The following APOBEC1 variants were observed in gnomAD, a reference collection of about 807,000 sequenced individuals.
APOBEC1 encodes the protein C->U-editing enzyme APOBEC-1.
Under a neutral mutation model 26.3 loss-of-function variants are expected in APOBEC1, and 22 were observed. That is an observed-to-expected ratio of 0.84 (90% CI 0.60 to 1.19). The LOEUF is 1.19. Among genes scored for constraint, APOBEC1 ranks in the 50% most tolerant of loss-of-function variants. The pLI is 0.00. For missense variants in APOBEC1, 253 were observed against 289.0 expected (o/e 0.88, Z 0.90); for synonymous variants, 77 against 95.3 (o/e 0.81, Z 1.12).
upstream of APOBEC1, among the ~76,000 whole-genome samples, chr12:7,669,429 G>A (rs974688243): frequency 6.6e-6 from 1 of 151,978 alleles, no homozygotes; most frequent in African/African-American, 2.4e-5. Flanking sequence ...CCAATTTTAG[G>A]CTTTCATGAA....
intron 1 of APOBEC1, among the ~76,000 whole-genome samples, chr12:7,656,014 T>A (rs1413051003): frequency 6.6e-6 from 1 of 152,140 alleles, no homozygotes; most frequent in African/African-American, 2.4e-5. Context: ...TTGTTATTTT[T>A]TTTGTGGAGG....
rs185366124 is a variant in APOBEC1 at position 7,661,152 on chromosome 12, G to A, written c.16+4705C>T. Among the ~76,000 whole-genome samples, 11 of 149,258 alleles carry A rather than the reference G, an allele frequency of 7.4e-5. No homozygotes were observed. The East Asian group carries it at 2.0e-3, about 27-fold the overall frequency. On this transcript the variant is annotated intron_variant, in intron 1 of 4. Transcript: ENST00000229304. Reference sequence around the variant, plus strand: ...ACCCGGGAGGCGGAGCTTGCAGTGAGCCAAATTTGCGCCACTGCACTCCAG... The same window carrying A: ...ACCCGGGAGGCGGAGCTTGCAGTGAACCAAATTTGCGCCACTGCACTCCAG...
intron 1 of APOBEC1, among the ~76,000 whole-genome samples, chr12:7,660,517 A>C (rs1487113853): frequency 1.3e-5 from 2 of 151,076 alleles, no homozygotes; most frequent in Non-Finnish European, 3.0e-5. Flanking sequence ...AGACCAGCCT[A>C]ACATGGTGAA....
At chr12:7,654,545 C>G (rs1863687720) in intron 2 of APOBEC1, 60 bp downstream of exon 2, 1 of 1,560,118 alleles carries the variant, frequency 6.4e-7, no homozygotes. Flanking sequence ...ATGCACAGCT[C>G]TTAAATACCC....
In APOBEC1 at chr12:7,652,805, G is replaced by A; in HGVS notation, c.75C>T (p.Val25=). Residue 25 remains valine (V), a synonymous_variant, in exon 3 of 5, where the codon GTC becomes GTT. Transcript: ENST00000229304. ...RRRIEPWEFD[V]FYDPRELRKE... is the part of the protein sequence containing the mutation. ...TACGAAGTTCTCTGGGGTCATAGAA[G>A]ACGTCAAACTCCCAGGGTTCGATTC... The A allele has an allele frequency of 6.2e-7, 1 of 1,602,586 alleles. No homozygotes were observed. Among genetic ancestry groups the A allele is most frequent in the Non-Finnish European group, 8.5e-7 (1 of 1,174,162 alleles).
At chr12:7,663,907 A>G (rs1309185677) in intron 1 of APOBEC1, among the ~76,000 whole-genome samples, 1 of 151,508 alleles carries the variant, frequency 6.6e-6, no homozygotes, top group African/African-American at 2.4e-5. Context: ...CCCAGGCTGG[A>G]GTGCAATGGC....
chr12:7,654,260 A>G (rs1287875974), intron 2 of APOBEC1, among the ~76,000 whole-genome samples: 1 of 152,226 alleles, frequency 6.6e-6, no homozygotes, highest in African/African-American at 2.4e-5. Context: ...AAGAGCAAAG[A>G]TATAAAAAAC....
At chr12:7,669,855 AT>A (rs1863932157), upstream of APOBEC1, among the ~76,000 whole-genome samples, 1 of 152,160 alleles carries the variant, frequency 6.6e-6, no homozygotes, top group African/African-American at 2.4e-5. Flanking sequence ...GTGTGGTAGT[AT>A]CTCATTGTGA....
At chr12:7,668,310 T>G (rs1250940303), upstream of APOBEC1, among the ~76,000 whole-genome samples, 1 of 152,186 alleles carries the variant, frequency 6.6e-6, no homozygotes, top group Admixed American at 6.6e-5. Flanking sequence ...TGAGACCTGT[T>G]TTGTACTTCA....
intron 1 of APOBEC1, among the ~76,000 whole-genome samples, chr12:7,663,448 G>A (rs185573662): frequency 6.6e-6 from 1 of 152,222 alleles, no homozygotes; most frequent in African/African-American, 2.4e-5. Flanking sequence ...GAGGAATGGG[G>A]GATTTGAGCA....
At chr12:7,667,916 A>C (rs910038556), upstream of APOBEC1, among the ~76,000 whole-genome samples, 2 of 74,114 alleles carry the variant, frequency 2.7e-5, no homozygotes, top group African/African-American at 7.7e-5. Flanking sequence ...CGTCTAAAAA[A>C]AAAAAGAAAA....
intron 1 of APOBEC1, among the ~76,000 whole-genome samples, chr12:7,660,350 AGGAAGGAAGG>A: frequency 3.2e-5 from 1 of 31,110 alleles, no homozygotes; most frequent in Admixed American, 2.4e-4. Flanking sequence ...GAAGGAAGGA[AGGAAGGAAGG>A]AAGGAAGGAA....
intron 1 of APOBEC1, among the ~76,000 whole-genome samples, chr12:7,660,379 A>AAGGAAG (rs1565442397): frequency 1.7e-3 from 47 of 27,598 alleles, no homozygotes; most frequent in East Asian, 4.8e-3. Flanking sequence ...AAGGAAGGAA[A>AAGGAAG]GAAAGAAAGA....
At chr12:7,666,770 C>G (rs1278053530), upstream of APOBEC1, among the ~76,000 whole-genome samples, 1 of 152,136 alleles carries the variant, frequency 6.6e-6, no homozygotes, top group Admixed American at 6.6e-5. Flanking sequence ...TGTCCTACAT[C>G]CGTGTTGGAG....
chr12:7,660,375 G>GGAAAGAAAGAAAGAAA (rs1555094885), intron 1 of APOBEC1, among the ~76,000 whole-genome samples: 8 of 23,966 alleles, frequency 3.3e-4, no homozygotes, highest in African/African-American at 1.0e-3. Flanking sequence ...AAGGAAGGAA[G>GGAAAGAAAGAAAGAAA]GAAAGAAAGA....
chr12:7,663,745 C>G (rs918835025), intron 1 of APOBEC1, among the ~76,000 whole-genome samples: 13 of 152,064 alleles, frequency 8.5e-5, no homozygotes, highest in African/African-American at 2.9e-4. Context: ...TGACTGGGGA[C>G]AGTTTGAGGT....
intron 1 of APOBEC1, among the ~76,000 whole-genome samples, chr12:7,661,613 A>T (rs930552837): frequency 2.0e-5 from 3 of 152,120 alleles, no homozygotes; most frequent in African/African-American, 4.8e-5. Flanking sequence ...TAAGTGTAAA[A>T]AGATACTTGT....
intron 1 of APOBEC1, among the ~76,000 whole-genome samples, chr12:7,662,024 T>C (rs2136855111): frequency 6.6e-6 from 1 of 151,966 alleles, no homozygotes; most frequent in East Asian, 2.0e-4. Context: ...GCGGGAGGAT[T>C]GCTTGAGGCT....
chr12:7,658,963 A>G (rs1233073507), intron 1 of APOBEC1, among the ~76,000 whole-genome samples: 3 of 145,984 alleles, frequency 2.1e-5, no homozygotes, highest in Non-Finnish European at 4.5e-5. Context: ...CAAAAGAAAA[A>G]AAAAAAAAGC....
Sources: gnomAD v4.1 joint callset for allele counts (sites outside exome capture counted in the v4.1 genomes callset) on GRCh38, gnomAD v4.1.1 for gene constraint, MANE v1.5 for transcripts, NCBI Gene and HGNC (gene_info 2026-07-23, HGNC 2026-07-21) for gene names.